NPNT: variants seen among roughly 807,000 people sequenced by gnomAD.
The protein encoded by NPNT is nephronectin.
Under a neutral mutation model 68.6 loss-of-function variants are expected in NPNT, and 45 were observed. That is an observed-to-expected ratio of 0.66 (90% CI 0.52 to 0.84). The LOEUF is 0.84. Ranked by LOEUF, NPNT falls within the 40% of genes least tolerant of loss-of-function variation. The pLI, the probability that NPNT is intolerant of heterozygous loss-of-function variation, is 0.00. For synonymous variants in NPNT, 233 were observed against 253.3 expected, an observed-to-expected ratio of 0.92 and a Z score of 0.76; for missense variants, 672 against 714.8, an observed-to-expected ratio of 0.94 and a Z score of 0.68.
chr4:105,900,925 T>C (rs1427104615), intron 2 of NPNT, among the ~76,000 whole-genome samples: 2 of 151,690 alleles, frequency 1.3e-5, no homozygotes, highest in East Asian at 3.9e-4. Context: ...TTTGATTTTC[T>C]AACTGTCATG....
intron 10 of NPNT, among the ~76,000 whole-genome samples, chr4:105,961,327 A>C (rs921375937): frequency 6.6e-6 from 1 of 152,196 alleles, no homozygotes. Flanking sequence ...CTGACTGACC[A>C]CTGACCTGGA....
intron 10 of NPNT, among the ~76,000 whole-genome samples, chr4:105,963,593 A>G (rs1731902597): frequency 6.6e-6 from 1 of 151,936 alleles, no homozygotes. Flanking sequence ...CGCTGCAGGT[A>G]TGTAGCTGTG....
At chr4:105,930,270 A>G (rs929783848) in intron 3 of NPNT, among the ~76,000 whole-genome samples, 1 of 152,208 alleles carries the variant, frequency 6.6e-6, no homozygotes, top group African/African-American at 2.4e-5. Context: ...GTAAATGCAC[A>G]CTAAATATGT....
At chr4:105,925,897 AT>A (rs1391475696) in intron 2 of NPNT, among the ~76,000 whole-genome samples, 2 of 152,212 alleles carry the variant, frequency 1.3e-5, no homozygotes, top group Non-Finnish European at 2.9e-5. Flanking sequence ...AGTTATGATG[AT>A]AAATGTATGG....
intron 3 of NPNT, 103 bp from the exon 4 acceptor site, chr4:105,936,906 C>T (rs1406966070): frequency 1.1e-5 from 12 of 1,125,440 alleles, no homozygotes; most frequent in Admixed American, 2.9e-5. Context: ...TGTAGCTTGA[C>T]CTATTTTTCT....
intron 3 of NPNT, 32 bp downstream of exon 3, chr4:105,927,460 C>G (rs962000162): frequency 7.8e-7 from 1 of 1,283,218 alleles, no homozygotes; most frequent in Non-Finnish European, 1.1e-6. Flanking sequence ...AATACACAAT[C>G]GAAGACACCT....
rs1158654050 is a variant in NPNT at position 105,961,419 on chromosome 4, T to A, written c.1345+2293T>A. On this transcript the variant is annotated intron_variant, in intron 10 of 11. Transcript: ENST00000379987. ...AATATTTATGGTCATAATGAATGAT[T>A]CCTTCAAGTAAGTTACACTGGGGAG... Among the ~76,000 whole-genome samples the A allele has an allele frequency of 2.0e-5, 3 of 152,322 alleles. No homozygotes were observed. The East Asian group carries it at 5.8e-4, about 29-fold the overall frequency.
Position 105,971,574 on chromosome 4 carries a change from G to A in NPNT, c.*2584G>A, listed in dbSNP as rs1302415361. 2 of 153,274 alleles carry A rather than the reference G, an allele frequency of 1.3e-5. No individual in the cohort carries two copies. Among genetic ancestry groups the A allele is most frequent in the Admixed American group, 1.3e-4 (2 of 15,446 alleles). The allele number at this position is 153,274 out of a possible 1,614,324, so 9.5% of individuals were successfully genotyped here. On this transcript the variant is annotated 3_prime_UTR_variant, in exon 12 of 12. Transcript: ENST00000379987. The stretch of plus-strand genomic sequence containing the variant: ...TATCCAAAGTACTGTATAACATCTT[G>A]TTTATTATTTAATGTTTTCTAAAAT...
In NPNT at chr4:105,967,186, A is replaced by G; in HGVS notation, c.1346-2A>G. On this transcript the variant is annotated splice_acceptor_variant, in intron 10 of 11. Coordinates refer to ENST00000379987, the MANE Select transcript of NPNT (RefSeq NM_001033047.3). LOFTEE classifies it high-confidence loss of function. The stretch of plus-strand genomic sequence containing the variant: ...CACACAGCCCTGCTTTTCCCATTCC[A>G]GGTGGACAATATCTGACAGTGTCGG... 6.2e-7 allele frequency: 1 copy of G among 1,613,370 alleles called. No individual in the cohort carries two copies. The highest frequency in any genetic ancestry group is 8.5e-7 in the Non-Finnish European group (1 of 1,179,936).
intron 2 of NPNT, among the ~76,000 whole-genome samples, chr4:105,916,532 A>T (rs1213487269): frequency 1.3e-5 from 2 of 151,936 alleles, no homozygotes; most frequent in African/African-American, 4.8e-5. Context: ...AAGCACATTT[A>T]TTTTTTAAGT....
At chr4:105,925,489 A>C (rs1050287609) in intron 2 of NPNT, among the ~76,000 whole-genome samples, 2 of 152,134 alleles carry the variant, frequency 1.3e-5, no homozygotes, top group East Asian at 3.9e-4. Flanking sequence ...AGGTAGAAAA[A>C]AAAATAACAT....
chr4:105,923,867 TA>T (rs1231415959), intron 2 of NPNT, among the ~76,000 whole-genome samples: 10 of 152,134 alleles, frequency 6.6e-5, no homozygotes, highest in Non-Finnish European at 1.3e-4. Context: ...ATAAAAATTT[TA>T]AAAGCCATTC....
chr4:105,920,828 C>T (rs1042924519), intron 2 of NPNT, among the ~76,000 whole-genome samples: 1 of 152,044 alleles, frequency 6.6e-6, no homozygotes, highest in Non-Finnish European at 1.5e-5. Flanking sequence ...ACTCTATGTT[C>T]TAAATTACCA....
At chr4:105,924,918 G>C (rs1728571694) in intron 2 of NPNT, among the ~76,000 whole-genome samples, 1 of 152,082 alleles carries the variant, frequency 6.6e-6, no homozygotes, top group Non-Finnish European at 1.5e-5. Flanking sequence ...ACGATTTTGA[G>C]ATGTTTACAT....
At chr4:105,896,772 G>T (rs1208364617) in intron 1 of NPNT, among the ~76,000 whole-genome samples, 2 of 152,144 alleles carry the variant, frequency 1.3e-5, no homozygotes, top group African/African-American at 4.8e-5. Flanking sequence ...CCAAGAAAAA[G>T]CACAGCTGCT....
intron 8 of NPNT, among the ~76,000 whole-genome samples, chr4:105,948,942 T>G (rs1285917823): frequency 6.6e-6 from 1 of 152,122 alleles, no homozygotes; most frequent in East Asian, 1.9e-4. Flanking sequence ...TTTTAGGTTA[T>G]ATGACTAGAA....
At chr4:105,958,315 C>T (rs192788394) in intron 8 of NPNT, among the ~76,000 whole-genome samples, 156 bp from the exon 9 acceptor site, 3 of 152,220 alleles carry the variant, frequency 2.0e-5, no homozygotes, top group East Asian at 3.9e-4. Context: ...GAACAAAATT[C>T]GTGAATCTTC....
At chr4:105,912,224 G>T (rs1727428857) in intron 2 of NPNT, 1 of 1,533,788 alleles carries the variant, frequency 6.5e-7, no homozygotes, top group Non-Finnish European at 8.7e-7. Context: ...GCCAGGATAA[G>T]GTGCCAGCTC....
At chr4:105,908,688 C>T (rs1375706955) in intron 2 of NPNT, among the ~76,000 whole-genome samples, 6 of 151,932 alleles carry the variant, frequency 3.9e-5, no homozygotes, top group Admixed American at 1.3e-4. Context: ...CTCAGCCTCC[C>T]GAGTAGCTAG....
Sources: allele counts gnomAD v4.1 joint callset (sites outside exome capture counted in the v4.1 genomes callset), GRCh38; gene constraint gnomAD v4.1.1; transcripts MANE v1.5; gene names NCBI Gene and HGNC (gene_info 2026-07-23, HGNC 2026-07-21).